The following TSPAN2 variants were observed in gnomAD, a reference collection of about 807,000 sequenced individuals.
The protein encoded by TSPAN2 is tetraspanin 2.
In TSPAN2, 24 loss-of-function variants were observed where a neutral mutation model predicts 33.3. That is an observed-to-expected ratio of 0.72 (90% confidence interval 0.52 to 1.01). TSPAN2 has a LOEUF of 1.01. TSPAN2 is among the 50% of genes least tolerant of loss of function. The pLI is 0.00. For synonymous variants in TSPAN2, 114 were observed against 104.5 expected (o/e 1.09, Z -0.56); for missense variants, 278 against 281.3 (o/e 0.99, Z 0.08).
chr1:115,065,889 C>G (rs557397923), intron 2 of TSPAN2, among the ~76,000 whole-genome samples: 1 of 152,274 alleles, frequency 6.6e-6, no homozygotes, highest in Non-Finnish European at 1.5e-5. Flanking sequence ...AGCAGCTTCT[C>G]TTTATCTCCC....
chr1:115,077,428 T>A (rs1570982193), intron 1 of TSPAN2, among the ~76,000 whole-genome samples: 1 of 152,210 alleles, frequency 6.6e-6, no homozygotes, highest in South Asian at 2.1e-4. Context: ...ATGGTTATAG[T>A]ACGTATTGTC....
chr1:115,057,651 T>C (rs1343007878), intron 5 of TSPAN2, 43 bp from the exon 6 acceptor site: 1 of 1,595,360 alleles, frequency 6.3e-7, no homozygotes, highest in African/African-American at 1.3e-5. Context: ...GCGGGAGGAG[T>C]AGCAGCTACA....
At chr1:115,064,799 T>C (rs1456013979) in intron 2 of TSPAN2, among the ~76,000 whole-genome samples, 4 of 152,098 alleles carry the variant, frequency 2.6e-5, no homozygotes, top group African/African-American at 7.2e-5. Context: ...ATGAGGATGG[T>C]TGCTTCGCAC....
intron 1 of TSPAN2, among the ~76,000 whole-genome samples, chr1:115,080,502 C>A (rs143946349): frequency 6.6e-6 from 1 of 152,098 alleles, no homozygotes; most frequent in Admixed American, 6.6e-5. Context: ...CTTGAACTCC[C>A]GGGCACAAGT....
rs113587983 is a variant in TSPAN2 at position 115,052,718 on chromosome 1, C to A, written c.600+661G>T. Among the ~76,000 whole-genome samples, 853 of 152,282 alleles carry A rather than the reference C, an allele frequency of 5.6e-3. 5 individuals carry two copies. Among genetic ancestry groups the A allele is most frequent in the Non-Finnish European group, 0.01 (692 of 68,032 alleles). ...GGTCTGGATGCACTACGCTTAATAC[C>A]ATCTATGCCATTGCCTTTGCCTGGT... On this transcript the variant is annotated intron_variant, in intron 7 of 7. Coordinates refer to ENST00000369516, the MANE Select transcript of TSPAN2 (RefSeq NM_005725.6).
chr1:115,050,376 C>A lies in TSPAN2; in HGVS notation c.*114G>T. The stretch of plus-strand genomic sequence containing the variant: ...CGTACTCATGCAAATGTACAATTGA[C>A]AGCAAATTATTTTAGATCCTAATGT... On this transcript the variant is annotated 3_prime_UTR_variant, in exon 8 of 8. Coordinates refer to ENST00000369516, the MANE Select transcript of TSPAN2 (RefSeq NM_005725.6). 1.0e-6 allele frequency: 1 copy of A among 969,480 alleles called. No individual in the cohort carries two copies. The highest frequency in any genetic ancestry group is 1.6e-6 in the Non-Finnish European group (1 of 607,658). 60.1% of individuals were successfully genotyped at this position (969,480 alleles called of 1,614,324 possible). A position where few individuals can be genotyped will look rare whatever the true frequency, so the allele number is the denominator to read the frequency against.
intron 2 of TSPAN2, among the ~76,000 whole-genome samples, chr1:115,070,332 G>C (rs1400892632): frequency 6.8e-6 from 1 of 146,850 alleles, no homozygotes; most frequent in African/African-American, 2.5e-5. Context: ...ATCACTGTGG[G>C]TTATACCCTA....
chr1:115,063,169 G>A (rs531885503), intron 2 of TSPAN2, among the ~76,000 whole-genome samples: 3 of 152,156 alleles, frequency 2.0e-5, no homozygotes, highest in Admixed American at 6.5e-5. Flanking sequence ...TTTTAAAAAT[G>A]TCTTTCACCA....
At chr1:115,074,479 C>T (rs1185185894) in intron 1 of TSPAN2, among the ~76,000 whole-genome samples, 1 of 151,984 alleles carries the variant, frequency 6.6e-6, no homozygotes, top group South Asian at 2.1e-4. Flanking sequence ...GTTTCCAGTA[C>T]TTAGAGGAAA....
intron 2 of TSPAN2, among the ~76,000 whole-genome samples, chr1:115,062,900 G>A (rs527814004): frequency 6.6e-6 from 1 of 152,152 alleles, no homozygotes; most frequent in Non-Finnish European, 1.5e-5. Flanking sequence ...TACAGACCTA[G>A]TAGGAGCCAC....
chr1:115,072,752 A>AG (rs1471031589), intron 2 of TSPAN2, among the ~76,000 whole-genome samples, 153 bp downstream of exon 2: 1 of 152,122 alleles, frequency 6.6e-6, no homozygotes, highest in African/African-American at 2.4e-5. Flanking sequence ...GGGCTACACC[A>AG]GTGCACAGGG....
At chr1:115,085,729 T>C (rs1419076585) in intron 1 of TSPAN2, among the ~76,000 whole-genome samples, 2 of 152,088 alleles carry the variant, frequency 1.3e-5, no homozygotes, top group Non-Finnish European at 2.9e-5. Context: ...TCAGTTACAG[T>C]GAAGGCAGAT....
intron 1 of TSPAN2, among the ~76,000 whole-genome samples, chr1:115,080,252 A>G (rs925707695): frequency 2.0e-5 from 3 of 152,180 alleles, no homozygotes; most frequent in Non-Finnish European, 4.4e-5. Context: ...GAACATCAAG[A>G]ATTAGGAGAA....
At chr1:115,068,175 C>G (rs1480748561) in intron 2 of TSPAN2, among the ~76,000 whole-genome samples, 1 of 152,206 alleles carries the variant, frequency 6.6e-6, no homozygotes, top group Non-Finnish European at 1.5e-5. Context: ...GGCAGTCAGT[C>G]TGACTATCCT....
chr1:115,074,369 T>C (rs1032778768), intron 1 of TSPAN2, among the ~76,000 whole-genome samples: 2 of 152,108 alleles, frequency 1.3e-5, no homozygotes, highest in Non-Finnish European at 2.9e-5. Flanking sequence ...CCAATCCCCT[T>C]TGTGGCCAGC....
chr1:115,063,402 G>C (rs1647809971), intron 2 of TSPAN2, among the ~76,000 whole-genome samples: 1 of 152,160 alleles, frequency 6.6e-6, no homozygotes, highest in Non-Finnish European at 1.5e-5. Context: ...AATGGCTTTT[G>C]TTAAAAAGTC....
intron 6 of TSPAN2, 85 bp from the exon 7 acceptor site, chr1:115,053,547 T>C (rs1375976642): frequency 1.7e-6 from 2 of 1,150,776 alleles, no homozygotes; most frequent in Non-Finnish European, 2.6e-6. Flanking sequence ...ATCTCTACAG[T>C]TCATTCTGTG....
intron 2 of TSPAN2, among the ~76,000 whole-genome samples, chr1:115,063,949 A>G (rs1410006796): frequency 1.3e-5 from 2 of 152,130 alleles, no homozygotes; most frequent in Admixed American, 6.5e-5. Flanking sequence ...TACTATATTC[A>G]TTACCTCAGT....
At chr1:115,060,062 T>C (rs1647653008) in intron 4 of TSPAN2, among the ~76,000 whole-genome samples, 1 of 152,152 alleles carries the variant, frequency 6.6e-6, no homozygotes, top group African/African-American at 2.4e-5. Flanking sequence ...CTCTGCTCTT[T>C]GAGAATGAAA....
Sources: allele counts gnomAD v4.1 joint callset (sites outside exome capture counted in the v4.1 genomes callset), GRCh38; gene constraint gnomAD v4.1.1; transcripts MANE v1.5; gene names NCBI Gene and HGNC (gene_info 2026-07-23, HGNC 2026-07-21).